The following FIG4 variants were observed in gnomAD, a reference collection of about 807,000 sequenced individuals.
The protein encoded by FIG4 is polyphosphoinositide phosphatase.
Under a neutral mutation model 118.6 loss-of-function variants are expected in FIG4, and 112 were observed. That is an observed-to-expected ratio of 0.94 (90% confidence interval 0.81 to 1.11). The LOEUF (loss-of-function observed/expected upper bound fraction) is 1.11. FIG4 is among the 50% of genes least tolerant of loss of function. The pLI is 0.00. For missense variants in FIG4, 969 were observed against 1,111.7 expected (o/e 0.87, Z 1.83); for synonymous variants, 369 against 381.2 (o/e 0.97, Z 0.37).
intron 17 of FIG4, among the ~76,000 whole-genome samples, chr6:109,785,320 C>T (rs900595068): frequency 7.2e-5 from 11 of 152,062 alleles, no homozygotes; most frequent in Non-Finnish European, 1.5e-4. Flanking sequence ...GATATATCGG[C>T]TCATCACTTT....
At chr6:109,786,928 C>G (rs1465944206) in intron 18 of FIG4, among the ~76,000 whole-genome samples, 2 of 152,152 alleles carry the variant, frequency 1.3e-5, no homozygotes, top group Non-Finnish European at 2.9e-5. Flanking sequence ...ACACGCCCCG[C>G]AAGTGCCTTT....
chr6:109,691,558 G>T, intron 1 of FIG4, 57 bp downstream of exon 1: 1 of 1,436,800 alleles, frequency 7.0e-7, no homozygotes, highest in South Asian at 1.2e-5. Context: ...GCCGGTGGGT[G>T]TGGGGCCGTA....
At chr6:109,750,920 A>G (rs938416301) in intron 10 of FIG4, among the ~76,000 whole-genome samples, 2 of 152,206 alleles carry the variant, frequency 1.3e-5, no homozygotes, top group African/African-American at 4.8e-5. Flanking sequence ...TTTCAGATAT[A>G]TAATTTAATT....
chr6:109,707,094 T>C (rs1775091478), intron 1 of FIG4, among the ~76,000 whole-genome samples: 1 of 152,164 alleles, frequency 6.6e-6, no homozygotes, highest in South Asian at 2.1e-4. Flanking sequence ...TTATAATTGC[T>C]TTATTTCTAC....
chr6:109,804,096 T>G (rs921381776), intron 22 of FIG4, among the ~76,000 whole-genome samples: 1 of 152,146 alleles, frequency 6.6e-6, no homozygotes, highest in Admixed American at 6.5e-5. Flanking sequence ...TTAATGTATT[T>G]TTGTCTCATA....
At chr6:109,766,589 T>C (rs1442024931) in intron 14 of FIG4, 140 bp from the exon 15 acceptor site, 5 of 717,704 alleles carry the variant, frequency 7.0e-6, no homozygotes, top group Admixed American at 2.3e-5. Flanking sequence ...CGTTTGCATT[T>C]ATTTGCAAGA....
At chr6:109,694,226 C>G (rs973351587) in intron 1 of FIG4, among the ~76,000 whole-genome samples, 6 of 152,092 alleles carry the variant, frequency 3.9e-5, no homozygotes, top group Admixed American at 6.6e-5. Flanking sequence ...AAAAATCAGA[C>G]CTTTGCGATG....
chr6:109,775,514 T>C (rs1777592113), intron 15 of FIG4, among the ~76,000 whole-genome samples: 2 of 152,194 alleles, frequency 1.3e-5, no homozygotes, highest in Admixed American at 6.6e-5. Context: ...TAGATTATAT[T>C]AAGATATTTT....
At chr6:109,774,460 G>A (rs539329967) in intron 15 of FIG4, among the ~76,000 whole-genome samples, 13 of 152,042 alleles carry the variant, frequency 8.6e-5, no homozygotes, top group African/African-American at 3.1e-4. Context: ...CTTATGAAAA[G>A]TTCAGAAGCA....
At chr6:109,772,952 G>T (rs1454579453) in intron 15 of FIG4, among the ~76,000 whole-genome samples, 2 of 152,160 alleles carry the variant, frequency 1.3e-5, no homozygotes, top group Non-Finnish European at 2.9e-5. Context: ...AATGTCAGCT[G>T]ACCTGGGCTT....
chr6:109,796,381 C>A (rs137883496), intron 21 of FIG4, among the ~76,000 whole-genome samples: 124 of 152,310 alleles, frequency 8.1e-4, no homozygotes, highest in African/African-American at 2.8e-3. Context: ...CATGCTTCCC[C>A]CCATGCTTCC....
chr6:109,692,025 A>G (rs989946409), intron 1 of FIG4, among the ~76,000 whole-genome samples: 1 of 152,214 alleles, frequency 6.6e-6, no homozygotes, highest in Non-Finnish European at 1.5e-5. Flanking sequence ...TACTTTGTTT[A>G]AAGACAGATA....
intron 16 of FIG4, among the ~76,000 whole-genome samples, chr6:109,777,325 C>T (rs1777651482): frequency 6.6e-6 from 1 of 152,150 alleles, no homozygotes; most frequent in Non-Finnish European, 1.5e-5. Flanking sequence ...AGTCTGGCCA[C>T]ATGCTTGCCA....
At chr6:109,797,915 AT>A (rs1283129049) in intron 22 of FIG4, among the ~76,000 whole-genome samples, 3 of 148,134 alleles carry the variant, frequency 2.0e-5, no homozygotes, top group South Asian at 2.2e-4. Flanking sequence ...AAAAAAAAAA[AT>A]GAGTCACTGT....
chr6:109,786,299 T>C lies in FIG4; in HGVS notation c.1949-3T>C. The C allele has an allele frequency of 6.2e-7, 1 of 1,610,752 alleles. No individual in the cohort carries two copies. Among genetic ancestry groups the C allele is most frequent in the Non-Finnish European group, 8.5e-7 (1 of 1,177,258 alleles). ...TTAGAGTAACATGCAGTATCTCTCT[T>C]AGTTATCTGTGCTGTGAACTTAAAG... On this transcript the variant is annotated splice_polypyrimidine_tract_variant and splice_region_variant and intron_variant, in intron 17 of 22. Transcript: ENST00000230124.
Position 109,732,703 on chromosome 6 carries a change from G to T in FIG4, c.497+16G>T. 6.6e-7 allele frequency: 1 copy of T among 1,509,136 alleles called. No individual in the cohort carries two copies. The highest frequency in any genetic ancestry group is 9.2e-7 in the Non-Finnish European group (1 of 1,092,734). 93.5% of individuals were successfully genotyped at this position (1,509,136 alleles called of 1,614,324 possible). ...TTTACTTTAGGTAAGTGTGAGGTTA[G>T]TTTTGCTCCTATCAATCACATAAAC... On this transcript the variant is annotated intron_variant, in intron 5 of 22. Transcript: ENST00000230124.
chr6:109,726,537 G>A (rs1443044422), intron 3 of FIG4, among the ~76,000 whole-genome samples: 1 of 152,040 alleles, frequency 6.6e-6, no homozygotes, highest in Non-Finnish European at 1.5e-5. Context: ...GTAGTGTGAT[G>A]CCTCCAGCTT....
rs576337889 is a variant in FIG4, at chr6:109,802,889, A to G, written c.2546+6038A>G. Among the ~76,000 whole-genome samples the G allele has an allele frequency of 7.2e-5, 11 of 152,328 alleles. No individual in the cohort carries two copies. In the South Asian group the frequency reaches 2.3e-3, roughly 32 times the overall value. On this transcript the variant is annotated intron_variant, in intron 22 of 22. Coordinates refer to ENST00000230124, the MANE Select transcript of FIG4 (RefSeq NM_014845.6). The stretch of plus-strand genomic sequence containing the variant: ...TAAGAAGCTCCCAGCTGAAAGTCAA[A>G]ATGAAAAAACCTTTTTTTTTGTTTT...
intron 4 of FIG4, among the ~76,000 whole-genome samples, chr6:109,731,403 A>T (rs1775996662): frequency 6.6e-6 from 1 of 152,198 alleles, no homozygotes; most frequent in South Asian, 2.1e-4. Flanking sequence ...TCTTGGCAGC[A>T]TTGTATCTTA....
Sources: allele counts gnomAD v4.1 joint callset (sites outside exome capture counted in the v4.1 genomes callset), GRCh38; gene constraint gnomAD v4.1.1; transcripts MANE v1.5; gene names NCBI Gene and HGNC (gene_info 2026-07-23, HGNC 2026-07-21).